SLC25A46: variants seen among roughly 807,000 people sequenced by gnomAD.
The protein encoded by SLC25A46 is solute carrier family 25 member 46.
Under a neutral mutation model 44.6 loss-of-function variants are expected in SLC25A46, and 39 were observed. That is an observed-to-expected ratio of 0.87 (90% CI 0.68 to 1.14). The LOEUF (loss-of-function observed/expected upper bound fraction) is 1.14, where lower values mean the gene tolerates loss of function less well. Among genes scored for constraint, SLC25A46 ranks in the 50% most tolerant of loss-of-function variants. SLC25A46 has a pLI of 0.00. For synonymous variants in SLC25A46, 202 were observed against 185.8 expected, an observed-to-expected ratio of 1.09 and a Z score of -0.71; for missense variants, 547 against 522.7, an observed-to-expected ratio of 1.05 and a Z score of -0.45.
chr5:110,742,823 C>T (rs1015704420), intron 2 of SLC25A46, among the ~76,000 whole-genome samples: 6 of 151,944 alleles, frequency 3.9e-5, no homozygotes, highest in Non-Finnish European at 5.9e-5. Flanking sequence ...TTATATCTAA[C>T]GATCATTTTA....
intron 1 of SLC25A46, 135 bp downstream of exon 1, chr5:110,739,537 C>T: frequency 2.4e-6 from 3 of 1,244,788 alleles, no homozygotes; most frequent in East Asian, 2.7e-5. Flanking sequence ...ACCCTTTGCC[C>T]TCCTTTGGTC....
chr5:110,738,896 C>G (rs1799500753), upstream of SLC25A46: 1 of 1,202,924 alleles, frequency 8.3e-7, no homozygotes, highest in Non-Finnish European at 1.1e-6. Flanking sequence ...CTTTTAAGGT[C>G]CAGGTTACCG....
At chr5:110,738,470 G>A (rs551688526), upstream of SLC25A46, among the ~76,000 whole-genome samples, 43 of 152,218 alleles carry the variant, frequency 2.8e-4, no homozygotes, top group African/African-American at 9.9e-4. Context: ...CCCCCGACGT[G>A]CACTTCAACT....
At chr5:110,758,853 A>T (rs1228757259) in intron 7 of SLC25A46, among the ~76,000 whole-genome samples, 2 of 152,132 alleles carry the variant, frequency 1.3e-5, no homozygotes, top group Non-Finnish European at 2.9e-5. Flanking sequence ...CAATACTCAT[A>T]CAAGATTGTT....
chr5:110,754,614 C>T (rs1274988844), intron 5 of SLC25A46: 2 of 151,484 alleles, frequency 1.3e-5, no homozygotes, highest in East Asian at 3.9e-4. Flanking sequence ...GCACAAAATC[C>T]TACACCTTGG....
rs1461224704 is a variant in SLC25A46, at chr5:110,739,123, C to A, written c.4C>A (p.His2Asn). 11 of 1,547,212 alleles carry A rather than the reference C, an allele frequency of 7.1e-6. No homozygotes were observed. Among genetic ancestry groups the A allele is most frequent in the Non-Finnish European group, 9.6e-6 (11 of 1,146,626 alleles). The stretch of plus-strand genomic sequence containing the variant: ...GCGTCATCCTGCCCCCGCTGCGATG[C>A]ATCCGCGGCGCCCGGACGGATTTGA... M[H>N]PRRPDGFDGL... The change falls in exon 1 of 8, where the codon CAT (histidine) becomes AAT (asparagine). Residue 2 changes from histidine (H) to asparagine (N), a missense_variant. Transcript: ENST00000355943.
intron 5 of SLC25A46, among the ~76,000 whole-genome samples, chr5:110,751,972 G>A (rs753919128): frequency 2.0e-5 from 3 of 152,072 alleles, no homozygotes; most frequent in Non-Finnish European, 4.4e-5. Flanking sequence ...TGGGAAGAAG[G>A]CAGAGTTTGT....
At chr5:110,745,280 GTC>G (rs1362025884) in intron 3 of SLC25A46, among the ~76,000 whole-genome samples, 1 of 151,958 alleles carries the variant, frequency 6.6e-6, no homozygotes, top group Admixed American at 6.6e-5. Flanking sequence ...TTGAGACGGA[GTC>G]TCGCTCTGTT....
At chr5:110,756,031 C>G (rs1048762101) in intron 6 of SLC25A46, 1 of 152,234 alleles carries the variant, frequency 6.6e-6, no homozygotes, top group Non-Finnish European at 1.5e-5. Flanking sequence ...TGCTGGCTCC[C>G]TCAGTGGGAC....
chr5:110,741,025 A>G (rs1387647975), intron 1 of SLC25A46, among the ~76,000 whole-genome samples: 2 of 152,222 alleles, frequency 1.3e-5, no homozygotes, highest in Non-Finnish European at 2.9e-5. Context: ...TATTTAGCTT[A>G]TACATTTTTC....
chr5:110,741,151 C>G (rs1799679077), intron 1 of SLC25A46, among the ~76,000 whole-genome samples: 1 of 152,156 alleles, frequency 6.6e-6, no homozygotes, highest in Non-Finnish European at 1.5e-5. Context: ...AGAATTGTAA[C>G]TTGTGAATAT....
At chr5:110,757,255 C>G (rs1391663768) in intron 7 of SLC25A46, among the ~76,000 whole-genome samples, 2 of 152,068 alleles carry the variant, frequency 1.3e-5, no homozygotes, top group Non-Finnish European at 2.9e-5. Context: ...TACTACAAAG[C>G]TGAAGCAATT....
intron 2 of SLC25A46, 100 bp from the exon 3 acceptor site, chr5:110,743,630 T>C (rs944566686): frequency 8.6e-6 from 5 of 579,956 alleles, no homozygotes; most frequent in Non-Finnish European, 1.4e-5. Context: ...CATAAAATAA[T>C]GCATGATTCT....
At position 110,748,275 on chromosome 5, in the gene SLC25A46, A is replaced by C. The variant is rs755814495; in HGVS notation, c.563+12A>C. On this transcript the variant is annotated intron_variant, in intron 5 of 7. Coordinates refer to ENST00000355943, the MANE Select transcript of SLC25A46 (RefSeq NM_138773.4). ...ACACCTTTGCCAAGGTACCATTTTT[A>C]GCATTTCTTCAGTATTAGTTTCATG... 3 of 1,606,356 alleles carry C rather than the reference A, an allele frequency of 1.9e-6. No individual in the cohort carries two copies. The East Asian group carries it at 6.7e-5, about 36-fold the overall frequency.
chr5:110,756,677 G>C (rs773649937), intron 6 of SLC25A46, 25 bp from the exon 7 acceptor site: 14 of 1,524,384 alleles, frequency 9.2e-6, no homozygotes, highest in Non-Finnish European at 1.1e-5. Context: ...TCAGTATACT[G>C]ATAAATTTGT....
chr5:110,763,601 T>C lies in SLC25A46; in HGVS notation c.*1819T>C, dbSNP rs1800315308. 1 of 151,908 alleles carries C rather than the reference T, an allele frequency of 6.6e-6. No individual in the cohort carries two copies. The highest frequency in any genetic ancestry group is 1.5e-5 in the Non-Finnish European group (1 of 67,864). The allele number at this position is 151,908 out of a possible 1,614,324, so 9.4% of individuals were successfully genotyped here. A position where few individuals can be genotyped will look rare whatever the true frequency, so the allele number is the denominator to read the frequency against. ...GAAAATTTCAAGTTTGAAAAATTTC[T>C]AGAAAAGAATCTGAATAGAATCAAG... is the stretch of plus-strand genomic sequence containing the variant. On this transcript the variant is annotated 3_prime_UTR_variant, in exon 8 of 8. Transcript: ENST00000355943.
intron 1 of SLC25A46, 34 bp downstream of exon 1, chr5:110,739,436 G>A (rs1409445832): frequency 2.7e-6 from 4 of 1,504,666 alleles, no homozygotes. Context: ...AGGGATGAGG[G>A]GTTACTGGGG....
chr5:110,761,456 G>A lies in SLC25A46; in HGVS notation c.931G>A (p.Asp311Asn), dbSNP rs894545180. ...ESTSPVQSML[D>N]AYFPELIANF... ...CACTAGCCCTGTGCAGAGTATGTTG[G>A]ATGCTTATTTTCCAGAACTTATTGC... The change falls in exon 8 of 8, where the codon GAT becomes AAT. Residue 311 changes from aspartate to asparagine, a missense_variant. Physicochemically the swap from Asp to Asn is conservative, Grantham distance 23. Coordinates refer to ENST00000355943, the MANE Select transcript of SLC25A46 (RefSeq NM_138773.4). This position sits in a 1 kb window ranked among gnomAD's most constrained non-coding sequence, Gnocchi z 5.3. 1 of 1,613,696 alleles carries A rather than the reference G, an allele frequency of 6.2e-7. No individual in the cohort carries two copies. Among genetic ancestry groups the A allele is most frequent in the Non-Finnish European group, 8.5e-7 (1 of 1,179,780 alleles).
chr5:110,749,143 T>C (rs1195281851), intron 5 of SLC25A46, among the ~76,000 whole-genome samples: 7 of 151,964 alleles, frequency 4.6e-5, no homozygotes, highest in Non-Finnish European at 7.4e-5. Flanking sequence ...AGAGAATGAG[T>C]TGTCAGTAGT....
Sources: allele counts gnomAD v4.1 joint callset (sites outside exome capture counted in the v4.1 genomes callset), GRCh38; gene constraint gnomAD v4.1.1; non-coding constraint Gnocchi (gnomAD v3.1); transcripts MANE v1.5; gene names NCBI Gene and HGNC (gene_info 2026-07-23, HGNC 2026-07-21).